NEBL: variants seen among roughly 807,000 people sequenced by gnomAD.
NEBL encodes nebulette, also known as LIM and SH3 protein 2.
NEBL carries 122 observed loss-of-function variants against 140.2 expected under a neutral mutation model. That is an observed-to-expected ratio of 0.87 (90% confidence interval 0.75 to 1.01). The LOEUF is 1.01. Among genes scored for constraint, NEBL ranks in the 50% least tolerant of loss-of-function variants. The pLI is 0.00. For missense variants in NEBL, 1,365 were observed against 1,231.3 expected (o/e 1.11, Z -1.62); for synonymous variants, 436 against 398.9 (o/e 1.09, Z -1.11).
chr10:20,910,937 G>A (rs1335074426), intron 4 of NEBL, among the ~76,000 whole-genome samples: 1 of 151,924 alleles, frequency 6.6e-6, no homozygotes, highest in Non-Finnish European at 1.5e-5. Context: ...GGAGGTCAGG[G>A]TGGGAGGATG....
At chr10:20,911,697 G>A in intron 4 of NEBL, among the ~76,000 whole-genome samples, 1 of 152,128 alleles carries the variant, frequency 6.6e-6, no homozygotes, top group South Asian at 2.1e-4. Flanking sequence ...CAAGGCATGG[G>A]AAATCATCAG....
chr10:21,097,261 C>T (rs1837237155), intron 2 of NEBL, among the ~76,000 whole-genome samples: 1 of 150,686 alleles, frequency 6.6e-6, no homozygotes, highest in South Asian at 2.1e-4. Context: ...GGGTTCGAGA[C>T]CAGCCTGACC....
At chr10:20,884,215 C>T (rs1316152721) in intron 4 of NEBL, among the ~76,000 whole-genome samples, 1 of 152,074 alleles carries the variant, frequency 6.6e-6, no homozygotes, top group African/African-American at 2.4e-5. Context: ...ATTTATGTTT[C>T]ACTTATAGAT....
intron 2 of NEBL, chr10:21,125,946 G>A: frequency 6.2e-7 from 1 of 1,614,136 alleles, no homozygotes. Flanking sequence ...TTGGGGACTT[G>A]GCCCAGTTGC....
rs1339910201 is a variant in NEBL, at chr10:20,858,289, T to C, written c.854A>G (p.Asn285Ser). 1 of 1,612,248 alleles carries C rather than the reference T, an allele frequency of 6.2e-7. No homozygotes were observed. Among genetic ancestry groups the C allele is most frequent in the Non-Finnish European group, 8.5e-7 (1 of 1,178,288 alleles). Residue 285 changes from asparagine (N) to serine (S), a missense_variant, in exon 9 of 28, where the codon AAT becomes AGT. By Grantham distance (46) the Asn-to-Ser change is conservative. Coordinates refer to ENST00000377122, the MANE Select transcript of NEBL (RefSeq NM_006393.3). ...CAAAACATGGTCTAAAAACAACAAA[T>C]TTGGGAGATCTGAAACTGGATCATG... ...NMHDPVSDLP[N>S]LLFLDHVLKA...
At chr10:21,271,433 A>G (rs188118690) in intron 1 of NEBL, among the ~76,000 whole-genome samples, 8 of 152,262 alleles carry the variant, frequency 5.3e-5, no homozygotes. Context: ...TAGTTACAAG[A>G]TTAACATATT....
At chr10:20,865,411 A>G (rs1226862550) in intron 7 of NEBL, among the ~76,000 whole-genome samples, 1 of 152,122 alleles carries the variant, frequency 6.6e-6, no homozygotes, top group Non-Finnish European at 1.5e-5. Flanking sequence ...AGAGAAATGA[A>G]GCAATTTGTC....
At chr10:20,903,281 T>G (rs536120599) in intron 4 of NEBL, among the ~76,000 whole-genome samples, 19 of 152,280 alleles carry the variant, frequency 1.2e-4, no homozygotes, top group African/African-American at 4.6e-4. Flanking sequence ...ATATCACTAA[T>G]CATCAGATAA....
rs1040015309 is a variant in NEBL, at chr10:21,281,482, CTTTCT to C, written n.182+11343_182+11347del. ...CTGCTGCTTGTCTTTCCTTTTCTTT[CTTTCT>C]TTTTTTTTTTATAATTAATAGACAT... On this transcript the variant is annotated intron_variant and non_coding_transcript_variant, in intron 1 of 8. Coordinates refer to the NEBL transcript ENST00000675702. 3.1e-4 allele frequency among the ~76,000 whole-genome samples: 34 copies of C among 108,708 alleles called. 1 individual carries two copies. The Admixed American group carries it at 3.5e-3, about 11-fold the overall frequency. The allele number at this position is 108,708 out of a possible 152,430, so 71.3% of individuals were successfully genotyped here.
Position 20,897,033 on chromosome 10 carries a change from T to C in NEBL, c.82-4A>G, listed in dbSNP as rs368268112. ...CAATAACAGGCTTATAGAAGACCTATTTGAAAAAAAAGAAAAGAACAGAAA... is the reference window on the plus strand; with the variant it reads ...CAATAACAGGCTTATAGAAGACCTACTTGAAAAAAAAGAAAAGAACAGAAA... On this transcript the variant is annotated splice_polypyrimidine_tract_variant and splice_region_variant and intron_variant, in intron 1 of 27. Transcript: ENST00000377122. The C allele has an allele frequency of 4.8e-4, 770 of 1,613,102 alleles. No individual in the cohort carries two copies. Among genetic ancestry groups the C allele is most frequent in the Non-Finnish European group, 6.2e-4 (728 of 1,179,406 alleles).
intron 3 of NEBL, among the ~76,000 whole-genome samples, chr10:21,223,624 A>G (rs1031418334): frequency 4.6e-5 from 7 of 152,132 alleles, no homozygotes; most frequent in Admixed American, 3.9e-4. Flanking sequence ...GGAACCTCCA[A>G]TTGTTCTCCA....
intron 25 of NEBL, 32 bp downstream of exon 25, chr10:20,809,774 A>G (rs776044838): frequency 1.4e-6 from 2 of 1,477,786 alleles, no homozygotes; most frequent in Admixed American, 1.7e-5. Context: ...ACAAAACCAC[A>G]TAAATGGGAT....
intron 4 of NEBL, among the ~76,000 whole-genome samples, chr10:20,928,831 G>A (rs531664555): frequency 6.6e-6 from 1 of 152,214 alleles, no homozygotes; most frequent in African/African-American, 2.4e-5. Flanking sequence ...TGTAGCTCCT[G>A]TATTTAAAAA....
intron 1 of NEBL, among the ~76,000 whole-genome samples, chr10:21,283,608 A>G (rs1843018901): frequency 6.6e-6 from 1 of 152,108 alleles, no homozygotes; most frequent in Admixed American, 6.6e-5. Flanking sequence ...TAGAGTACAT[A>G]TATTCTATTA....
chr10:21,196,901 C>T (rs528655122), intron 3 of NEBL, among the ~76,000 whole-genome samples: 2 of 152,338 alleles, frequency 1.3e-5, no homozygotes, highest in Non-Finnish European at 2.9e-5. Flanking sequence ...TATCTTTCCT[C>T]TAATACATGT....
intron 3 of NEBL, among the ~76,000 whole-genome samples, chr10:21,197,690 A>T (rs1841673030): frequency 2.0e-5 from 3 of 152,188 alleles, no homozygotes; most frequent in Admixed American, 2.0e-4. Flanking sequence ...TAGACCCTAG[A>T]TTATGGTTTC....
chr10:21,251,332 G>A (rs1263358558), intron 2 of NEBL, among the ~76,000 whole-genome samples: 6 of 152,148 alleles, frequency 3.9e-5, no homozygotes, highest in Admixed American at 3.9e-4. Context: ...TGGCCAGGTC[G>A]GGGTAGGGCT....
At chr10:21,188,774 G>A (rs1248523309) in intron 3 of NEBL, among the ~76,000 whole-genome samples, 3 of 151,846 alleles carry the variant, frequency 2.0e-5, no homozygotes, top group African/African-American at 7.3e-5. Context: ...TTTTTTAGTA[G>A]AGATGGGGTT....
chr10:21,074,791 TA>T (rs566787003), intron 2 of NEBL, among the ~76,000 whole-genome samples: 21 of 137,280 alleles, frequency 1.5e-4, no homozygotes, highest in African/African-American at 3.6e-4. Flanking sequence ...TAGATATATA[TA>T]TTTTTGTTGT....
Sources: allele counts gnomAD v4.1 joint callset (sites outside exome capture counted in the v4.1 genomes callset), GRCh38; gene constraint gnomAD v4.1.1; transcripts MANE v1.5; gene names NCBI Gene and HGNC (gene_info 2026-07-23, HGNC 2026-07-21).